Variants in WIPF3 observed in about 807,000 individuals in gnomAD.
WIPF3 encodes WAS/WASL-interacting protein family member 3.
WIPF3 carries 33 observed loss-of-function variants against 38.9 expected under a neutral mutation model. The ratio of observed to expected loss-of-function variants is 0.85; its 90% CI spans 0.64 to 1.14. The LOEUF is 1.14. Ranked by LOEUF, WIPF3 falls within the 50% of genes most tolerant of loss-of-function variation. The pLI, the probability that WIPF3 is intolerant of heterozygous loss-of-function variation, is 0.00. For missense variants in WIPF3, 711 were observed against 652.5 expected, an observed-to-expected ratio of 1.09 and a Z score of -0.98; for synonymous variants, 324 against 269.3, an observed-to-expected ratio of 1.20 and a Z score of -1.99.
intron 1 of WIPF3, among the ~76,000 whole-genome samples, chr7:29,827,582 T>G (rs1292037665): frequency 6.6e-6 from 1 of 152,098 alleles, no homozygotes; most frequent in South Asian, 2.1e-4. Context: ...AGGACCCTAC[T>G]GAGATCATAA....
In WIPF3 at chr7:29,876,300, A is replaced by T. The variant is rs569102918; in HGVS notation, c.223+338A>T. Among the ~76,000 whole-genome samples, 3 of 152,348 alleles carry T rather than the reference A, an allele frequency of 2.0e-5. No individual in the cohort carries two copies. The East Asian group carries it at 5.8e-4, about 29-fold the overall frequency. ...TCAATCAGTGCCAATTATTATATTC[A>T]CAATGTTGTTGCAACAATCACCTCT... On this transcript the variant is annotated intron_variant, in intron 3 of 8. Coordinates refer to ENST00000242140, the MANE Select transcript of WIPF3 (RefSeq NM_001080529.3).
chr7:29,817,408 TAGAA>T (rs1279196543), intron 1 of WIPF3, among the ~76,000 whole-genome samples: 1 of 152,170 alleles, frequency 6.6e-6, no homozygotes, highest in Non-Finnish European at 1.5e-5. Context: ...CTATACATTT[TAGAA>T]AGGTCTTTCT....
At chr7:29,828,455 G>T (rs1784659203) in intron 1 of WIPF3, among the ~76,000 whole-genome samples, 1 of 152,238 alleles carries the variant, frequency 6.6e-6, no homozygotes, top group Non-Finnish European at 1.5e-5. Context: ...TTGCAGTGCA[G>T]GTCCTGTGCG....
intron 1 of WIPF3, among the ~76,000 whole-genome samples, chr7:29,819,387 A>G (rs1278963193): frequency 1.3e-5 from 2 of 151,748 alleles, no homozygotes; most frequent in Non-Finnish European, 2.9e-5. Context: ...TATTTTGTGT[A>G]TCTGTGCTTT....
At chr7:29,820,146 C>G (rs1045299011) in intron 1 of WIPF3, among the ~76,000 whole-genome samples, 9 of 152,000 alleles carry the variant, frequency 5.9e-5, no homozygotes, top group African/African-American at 1.9e-4. Context: ...GAATAATATC[C>G]TATAGCTTTG....
chr7:29,842,456 C>T (rs1291153241), intron 2 of WIPF3, among the ~76,000 whole-genome samples: 5 of 152,184 alleles, frequency 3.3e-5, no homozygotes, highest in Admixed American at 6.5e-5. Context: ...AGAGGCTTAT[C>T]GCACCCCTAG....
At chr7:29,831,025 A>T (rs973838239) in intron 1 of WIPF3, among the ~76,000 whole-genome samples, 6 of 152,234 alleles carry the variant, frequency 3.9e-5, no homozygotes, top group African/African-American at 1.4e-4. Flanking sequence ...ACTGACGAGC[A>T]TGTTCCCAGC....
At chr7:29,806,895 C>T (rs1242357345) in intron 1 of WIPF3, among the ~76,000 whole-genome samples, 1 of 151,298 alleles carries the variant, frequency 6.6e-6, no homozygotes, top group Non-Finnish European at 1.5e-5. Flanking sequence ...CACCCGCACC[C>T]TGCCACGCCG....
At chr7:29,821,246 T>A (rs1784532428) in intron 1 of WIPF3, among the ~76,000 whole-genome samples, 2 of 152,204 alleles carry the variant, frequency 1.3e-5, no homozygotes, top group South Asian at 4.1e-4. Context: ...TCCAAAACTA[T>A]ATGATTTTCC....
chr7:29,884,361 T>TGCCC lies in WIPF3; in HGVS notation c.867_868insGCCC (p.Pro290AlafsTer29). The stretch of plus-strand genomic sequence containing the variant: ...GCCCTGCGCAAGATGCGCAGGAGCC[T>TGCCC]CCCGCCCCGCCGCCCCCGCTCCCCC... On this transcript the variant is annotated frameshift_variant, in exon 5 of 9. Coordinates refer to ENST00000242140, the MANE Select transcript of WIPF3 (RefSeq NM_001080529.3). LOFTEE classifies it high-confidence loss of function. The TGCCC allele has an allele frequency of 7.6e-7, 1 of 1,317,918 alleles. No homozygotes were observed. The highest frequency in any genetic ancestry group is 9.8e-7 in the Non-Finnish European group (1 of 1,017,952). The allele number at this position is 1,317,918 out of a possible 1,614,324, so 81.6% of individuals were successfully genotyped here. A position where few individuals can be genotyped will look rare whatever the true frequency, so the allele number is the denominator to read the frequency against.
intron 7 of WIPF3, among the ~76,000 whole-genome samples, chr7:29,896,717 C>T (rs1431401010): frequency 6.6e-6 from 1 of 152,058 alleles, no homozygotes; most frequent in African/African-American, 2.4e-5. Flanking sequence ...CTAAATGTCA[C>T]TAATGGTAAA....
intron 2 of WIPF3, among the ~76,000 whole-genome samples, chr7:29,856,157 A>G (rs772352073): frequency 2.6e-5 from 4 of 151,926 alleles, no homozygotes; most frequent in Non-Finnish European, 5.9e-5. Context: ...ACCTTTATTC[A>G]TATCTTTAGG....
chr7:29,832,459 A>G (rs1784737249), intron 1 of WIPF3, among the ~76,000 whole-genome samples: 1 of 152,230 alleles, frequency 6.6e-6, no homozygotes, highest in African/African-American at 2.4e-5. Context: ...TACCTGAAAG[A>G]AACACGTACT....
chr7:29,884,273 TCCCGCC>T lies in WIPF3; in HGVS notation c.785_790del (p.Pro262_Pro263del). On this transcript the variant is annotated inframe_deletion, in exon 5 of 9. Transcript: ENST00000242140. ...CTGGCTCCCTTGCACCTCCCGCCCATCCCGCCCCCGCTCCCTCTGCTCCCACCTTGT... is the reference window on the plus strand; with the variant it reads ...CTGGCTCCCTTGCACCTCCCGCCCATCCCGCTCCCTCTGCTCCCACCTTGT... The T allele has an allele frequency of 6.5e-6, 2 of 309,192 alleles. No individual in the cohort carries two copies. The highest frequency in any genetic ancestry group is 4.9e-6 in the Non-Finnish European group (1 of 203,662). The allele number at this position is 309,192 out of a possible 1,614,324, so 19.2% of individuals were successfully genotyped here.
intron 2 of WIPF3, among the ~76,000 whole-genome samples, chr7:29,862,214 T>C (rs954281119): frequency 6.8e-4 from 103 of 152,244 alleles, no homozygotes; most frequent in Admixed American, 1.2e-3. Context: ...CTTACCTTAT[T>C]CTGTGAAGGC....
chr7:29,896,661 T>C (rs1786152418), intron 7 of WIPF3, among the ~76,000 whole-genome samples: 1 of 152,094 alleles, frequency 6.6e-6, no homozygotes, highest in African/African-American at 2.4e-5. Context: ...GATAGAAACA[T>C]TTTGAAACTA....
intron 7 of WIPF3, among the ~76,000 whole-genome samples, chr7:29,901,725 C>T (rs1786279195): frequency 6.7e-6 from 1 of 150,038 alleles, no homozygotes; most frequent in Admixed American, 6.7e-5. Flanking sequence ...GTAGTCCCAG[C>T]TACTCGGGAG....
At chr7:29,822,581 G>C (rs1368625457) in intron 1 of WIPF3, among the ~76,000 whole-genome samples, 1 of 152,164 alleles carries the variant, frequency 6.6e-6, no homozygotes, top group Non-Finnish European at 1.5e-5. Flanking sequence ...AACGAGAGTT[G>C]ATGGGTTTTC....
At position 29,884,361 on chromosome 7, in the gene WIPF3, T is replaced by TCCCCCCCCCCCCCCCCC; in HGVS notation, c.870_871insCCCCCCCCCCCCCCCCC (p.Ala291ProfsTer89). 5.3e-6 allele frequency: 7 copies of TCCCCCCCCCCCCCCCCC among 1,317,924 alleles called. No homozygotes were observed. Among genetic ancestry groups the TCCCCCCCCCCCCCCCCC allele is most frequent in the Non-Finnish European group, 4.9e-6 (5 of 1,017,960 alleles). 81.6% of individuals were successfully genotyped at this position (1,317,924 alleles called of 1,614,324 possible). The stretch of plus-strand genomic sequence containing the variant: ...GCCCTGCGCAAGATGCGCAGGAGCC[T>TCCCCCCCCCCCCCCCCC]CCCGCCCCGCCGCCCCCGCTCCCCC... On this transcript the variant is annotated frameshift_variant, in exon 5 of 9. Coordinates refer to ENST00000242140, the MANE Select transcript of WIPF3 (RefSeq NM_001080529.3). LOFTEE classifies it high-confidence loss of function.
Sources: allele counts gnomAD v4.1 joint callset (sites outside exome capture counted in the v4.1 genomes callset), GRCh38; gene constraint gnomAD v4.1.1; transcripts MANE v1.5; gene names NCBI Gene and HGNC (gene_info 2026-07-23, HGNC 2026-07-21).